The following MTMR4 variants were observed in gnomAD, a reference collection of about 807,000 sequenced individuals.
The protein encoded by MTMR4 is phosphatidylinositol-3,5-bisphosphate 3-phosphatase MTMR4.
In MTMR4, 30 loss-of-function variants were observed where a neutral mutation model predicts 125.5. That is an observed-to-expected ratio of 0.24 (90% CI 0.18 to 0.32). The LOEUF (loss-of-function observed/expected upper bound fraction) is 0.32, where lower values mean the gene tolerates loss of function less well. MTMR4 is among the 10% of genes least tolerant of loss of function. MTMR4 has a pLI of 1.00. For missense variants in MTMR4, 1,039 were observed against 1,511.5 expected (o/e 0.69, Z 5.18); for synonymous variants, 498 against 564.5 (o/e 0.88, Z 1.67).
At chr17:58,506,036 C>T (rs1480780606) in intron 9 of MTMR4, among the ~76,000 whole-genome samples, 1 of 152,202 alleles carries the variant, frequency 6.6e-6, no homozygotes, top group Non-Finnish European at 1.5e-5. Flanking sequence ...GTCTTGAAAT[C>T]TGAATCACAC....
rs74685241 is a variant in MTMR4, at chr17:58,495,163, T to C, written c.3021A>G (p.Thr1007=). 3,879 of 1,614,234 alleles carry C rather than the reference T, an allele frequency of 2.4e-3. 143 individuals are homozygous for C. The East Asian group carries it at 0.075, about 31-fold the overall frequency. Residue 1007 remains threonine (T), a synonymous_variant, in exon 15 of 18, where the codon ACA becomes ACG. Coordinates refer to ENST00000682306, the MANE Select transcript of MTMR4 (RefSeq NM_001378067.1). ...AAGGGCAGTTCAGTGGAACGGGCTT[T>C]GTGCTAGAGACTTGCTTTGGATGAC... ...LSSHPKQVSS[T]KPVPLNCPSP...
chr17:58,508,676 C>T lies in MTMR4; in HGVS notation c.496+5G>A. ...AGCCTCCCAAAGAAAATAGACTGGC[C>T]TCACCTGGCTGACATAGGTGAGTGT... is the stretch of plus-strand genomic sequence containing the variant. On this transcript the variant is annotated splice_donor_5th_base_variant and intron_variant, in intron 5 of 17. Transcript: ENST00000682306. The surrounding 1 kb of genome is among the most constrained non-coding windows in gnomAD (Gnocchi z 4.8). 1 of 1,614,026 alleles carries T rather than the reference C, an allele frequency of 6.2e-7. No homozygotes were observed. The highest frequency in any genetic ancestry group is 8.5e-7 in the Non-Finnish European group (1 of 1,179,888).
rs770075854 is a variant in MTMR4, at chr17:58,508,797, C to T, written c.380G>A (p.Arg127Gln). The T allele has an allele frequency of 1.2e-6, 2 of 1,614,152 alleles. No individual in the cohort carries two copies. Among genetic ancestry groups the T allele is most frequent in the South Asian group, 1.1e-5 (1 of 91,090 alleles). The change falls in exon 5 of 18, where the codon CGG (arginine) becomes CAG (glutamine). Residue 127 changes from arginine to glutamine, a missense_variant. Transcript: ENST00000682306. This position sits in a 1 kb window ranked among gnomAD's most constrained non-coding sequence, Gnocchi z 4.8. ...TFKQCQEWLS[R>Q]LSRATARPAK... ...AGGTCTTGCTGTGGCTCGGCTTAGCCGTGAGAGCCACTCTTGGCACTGCTT... is the reference window on the plus strand; with the variant it reads ...AGGTCTTGCTGTGGCTCGGCTTAGCTGTGAGAGCCACTCTTGGCACTGCTT...
At chr17:58,499,603 C>G (rs1442269558) in intron 14 of MTMR4, among the ~76,000 whole-genome samples, 1 of 151,958 alleles carries the variant, frequency 6.6e-6, no homozygotes, top group African/African-American at 2.4e-5. Context: ...GCTCACAACT[C>G]CCTTTATTTC....
At position 58,512,657 on chromosome 17, in the gene MTMR4, G is replaced by GT; in HGVS notation, c.136-152dup. ...ACGGTAACAGCACCAGGCAACAGCT[G>GT]TACAGGAAAGCTGCCTTTCCTTCCC... is the stretch of plus-strand genomic sequence containing the variant. On this transcript the variant is annotated intron_variant, in intron 2 of 17. Coordinates refer to ENST00000682306, the MANE Select transcript of MTMR4 (RefSeq NM_001378067.1). The surrounding 1 kb of genome is among the most constrained non-coding windows in gnomAD (Gnocchi z 4.1). 3.7e-6 allele frequency: 3 copies of GT among 806,612 alleles called. No homozygotes were observed. The highest frequency in any genetic ancestry group is 6.1e-6 in the Non-Finnish European group (3 of 489,610). 50.0% of individuals were successfully genotyped at this position (806,612 alleles called of 1,614,324 possible).
chr17:58,515,191 CT>C, upstream of MTMR4: 1 of 340,052 alleles, frequency 2.9e-6, no homozygotes, highest in Non-Finnish European at 4.2e-6. Flanking sequence ...GAAAGCCCTT[CT>C]TGGAGGAGAA....
chr17:58,504,661 AG>A lies in MTMR4; in HGVS notation c.1341+117del, dbSNP rs1300881602. On this transcript the variant is annotated intron_variant, in intron 11 of 17. Transcript: ENST00000682306. The surrounding 1 kb of genome is among the most constrained non-coding windows in gnomAD (Gnocchi z 7.1). ...AAGCCTTTGGGAGTTGGAAAAAAAAAGAAAAAAAGAGCCACCAATGTCCTCT... is the reference window on the plus strand; with the variant it reads ...AAGCCTTTGGGAGTTGGAAAAAAAAAAAAAAAAGAGCCACCAATGTCCTCT... The A allele has an allele frequency of 4.3e-6, 6 of 1,386,360 alleles. No individual in the cohort carries two copies. The highest frequency in any genetic ancestry group is 5.9e-6 in the Non-Finnish European group (6 of 1,019,572). 85.9% of individuals were successfully genotyped at this position (1,386,360 alleles called of 1,614,324 possible). A position where few individuals can be genotyped will look rare whatever the true frequency, so the allele number is the denominator to read the frequency against.
upstream of MTMR4, among the ~76,000 whole-genome samples, chr17:58,517,121 G>A (rs113051250): frequency 3.3e-5 from 5 of 152,358 alleles, no homozygotes; most frequent in African/African-American, 1.2e-4. Flanking sequence ...AGTGGGACAA[G>A]AGGGAGGGGA....
At chr17:58,518,066 T>C (rs1469809143), upstream of MTMR4, among the ~76,000 whole-genome samples, 1 of 152,088 alleles carries the variant, frequency 6.6e-6, no homozygotes, top group Admixed American at 6.5e-5. Context: ...CTTTAGCCAA[T>C]CGGATGCCTA....
At chr17:58,511,208 T>TA (rs1234439335) in intron 4 of MTMR4, 1 of 463,520 alleles carries the variant, frequency 2.2e-6, no homozygotes, top group Non-Finnish European at 3.8e-6. Flanking sequence ...ACTTAATCCT[T>TA]ACGATGACTC....
At position 58,508,461 on chromosome 17, in the gene MTMR4, C is replaced by T. The variant is rs757998830; in HGVS notation, c.593+7G>A. On this transcript the variant is annotated splice_region_variant and intron_variant, in intron 6 of 17. Coordinates refer to ENST00000682306, the MANE Select transcript of MTMR4 (RefSeq NM_001378067.1). The surrounding 1 kb of genome is among the most constrained non-coding windows in gnomAD (Gnocchi z 4.8). Reference sequence around the variant, plus strand: ...GTGGAAGGTGTTTTGGTCCCCAACCCTCTCACTTGTAGTTGCTGTTGATGT... The same window carrying T: ...GTGGAAGGTGTTTTGGTCCCCAACCTTCTCACTTGTAGTTGCTGTTGATGT... 3 of 1,613,934 alleles carry T rather than the reference C, an allele frequency of 1.9e-6. No individual in the cohort carries two copies. The highest frequency in any genetic ancestry group is 1.7e-5 in the Admixed American group (1 of 60,004).
chr17:58,495,922 C>G lies in MTMR4; in HGVS notation c.2262G>C (p.Glu754Asp). 1 of 1,614,190 alleles carries G rather than the reference C, an allele frequency of 6.2e-7. No individual in the cohort carries two copies. The highest frequency in any genetic ancestry group is 8.5e-7 in the Non-Finnish European group (1 of 1,180,032). Residue 754 changes from glutamate to aspartate, a missense_variant, in exon 15 of 18, where the codon GAG becomes GAC. Coordinates refer to ENST00000682306, the MANE Select transcript of MTMR4 (RefSeq NM_001378067.1). ...GPAPDPSAQD[E>D]LGRTLDGIGE... The stretch of plus-strand genomic sequence containing the variant: ...CTATGCCATCTAAAGTCCTACCCAG[C>G]TCATCCTGGGCAGAAGGGTCTGGAG...
chr17:58,495,944 G>A lies in MTMR4; in HGVS notation c.2240C>T (p.Pro747Leu), dbSNP rs755684438. The A allele has an allele frequency of 6.2e-7, 1 of 1,614,212 alleles. No homozygotes were observed. The highest frequency in any genetic ancestry group is 8.5e-7 in the Non-Finnish European group (1 of 1,180,042). Residue 747 changes from proline to leucine, a missense_variant, in exon 15 of 18, where the codon CCA becomes CTA. Pro to Leu is a moderately conservative substitution (Grantham distance 98, BLOSUM62 -3). This residue lies in a region of MTMR4 where 619 missense variants were observed against 714.5 expected (regional missense o/e 0.87). Coordinates refer to ENST00000682306, the MANE Select transcript of MTMR4 (RefSeq NM_001378067.1). The stretch of plus-strand genomic sequence containing the variant: ...CAGCTCATCCTGGGCAGAAGGGTCT[G>A]GAGCTGGTCCCTTAGTCTCTTCTAG... ...KVLEETKGPA[P>L]DPSAQDELGR...
At chr17:58,507,964 A>G (rs367806508) in intron 7 of MTMR4, 197 bp downstream of exon 7, 6 of 520,838 alleles carry the variant, frequency 1.2e-5, no homozygotes, top group Middle Eastern at 3.9e-4. Context: ...CTCTAAAAAA[A>G]GGGGGGGAAT....
At position 58,504,469 on chromosome 17, in the gene MTMR4, T is replaced by G. The variant is rs1391728313; in HGVS notation, c.1361A>C (p.Glu454Ala). ...RTLEGFQVLV[E>A]SDWLDFGHKF... ...GTGCCCAAAATCCAGCCAGTCAGAC[T>G]CCACTAACACTTGGAAGCCCTGCAA... The change falls in exon 12 of 18, where the codon GAG (glutamate) becomes GCG (alanine). Residue 454 changes from glutamate (E) to alanine (A), a missense_variant. Glu to Ala is a moderately radical substitution (Grantham distance 107). Around this residue, in one of 6 missense-constraint regions of MTMR4, gnomAD observed 107 missense variants for 267.4 expected, o/e 0.40. Transcript: ENST00000682306. This position sits in a 1 kb window ranked among gnomAD's most constrained non-coding sequence, Gnocchi z 7.1. 6.2e-7 allele frequency: 1 copy of G among 1,613,752 alleles called. No individual in the cohort carries two copies. Among genetic ancestry groups the G allele is most frequent in the African/African-American group, 1.3e-5 (1 of 74,962 alleles).
At chr17:58,516,170 T>C (rs940135858), upstream of MTMR4, among the ~76,000 whole-genome samples, 20 of 152,160 alleles carry the variant, frequency 1.3e-4, no homozygotes, top group Admixed American at 2.6e-4. Context: ...ACTCCTGATA[T>C]AGCATCCACA....
chr17:58,501,870 C>A (rs1358838165), intron 14 of MTMR4, among the ~76,000 whole-genome samples: 1 of 151,802 alleles, frequency 6.6e-6, no homozygotes, highest in Admixed American at 6.6e-5. Context: ...ACCAGTGTGA[C>A]CAACATGGTA....
rs543762478 is a variant in MTMR4 at position 58,496,254 on chromosome 17, C to T, written c.1930G>A (p.Asp644Asn). ...TSSPLTRTSS[D>N]PNLNNHCQEV... Reference sequence around the variant, plus strand: ...TGACAGTGGTTATTCAGGTTAGGGTCACTGGATGTACGAGTCAGGGGGCTG... The same window carrying T: ...TGACAGTGGTTATTCAGGTTAGGGTTACTGGATGTACGAGTCAGGGGGCTG... Residue 644 changes from aspartate to asparagine, a missense_variant, in exon 15 of 18, where the codon GAC becomes AAC. Physicochemically the swap from Asp to Asn is conservative, Grantham distance 23 (BLOSUM62 1). This residue lies in a region of MTMR4 where 619 missense variants were observed against 714.5 expected (regional missense o/e 0.87). Coordinates refer to ENST00000682306, the MANE Select transcript of MTMR4 (RefSeq NM_001378067.1). The T allele has an allele frequency of 1.2e-6, 2 of 1,614,094 alleles. No individual in the cohort carries two copies.
At chr17:58,513,640 G>A (rs1975996202) in intron 1 of MTMR4, among the ~76,000 whole-genome samples, 1 of 152,034 alleles carries the variant, frequency 6.6e-6, no homozygotes, top group Non-Finnish European at 1.5e-5. Context: ...ACCAGGGAGG[G>A]GACCCGGGGG....
Sources: allele counts gnomAD v4.1 joint callset (sites outside exome capture counted in the v4.1 genomes callset), GRCh38; gene constraint gnomAD v4.1.1; regional missense constraint gnomAD v4.1.1; non-coding constraint Gnocchi (gnomAD v3.1); transcripts MANE v1.5; gene names NCBI Gene and HGNC (gene_info 2026-07-23, HGNC 2026-07-21).